Variants in NUP88 observed in about 807,000 individuals in gnomAD.
NUP88 encodes the protein nucleoporin 88, also known as nuclear pore complex protein Nup88.
NUP88 carries 57 observed loss-of-function variants against 93.9 expected under a neutral mutation model. The ratio of observed to expected loss-of-function variants is 0.61; its 90% confidence interval spans 0.49 to 0.76. The LOEUF (loss-of-function observed/expected upper bound fraction) is 0.76, where lower values mean the gene tolerates loss of function less well. NUP88 is among the 30% of genes least tolerant of loss of function. NUP88 has a pLI of 0.00. For missense variants in NUP88, 911 were observed against 901.0 expected (o/e 1.01, Z -0.14); for synonymous variants, 346 against 336.8 (o/e 1.03, Z -0.30).
intron 10 of NUP88, among the ~76,000 whole-genome samples, chr17:5,389,808 G>T (rs904592289): frequency 2.8e-5 from 4 of 145,022 alleles, no homozygotes; most frequent in Admixed American, 6.9e-5. Flanking sequence ...GAAAGTTCAT[G>T]AAATAGCATA....
chr17:5,400,152 A>AAAAAAAAAAAAAAAAAAAC (rs1913058503), intron 7 of NUP88, among the ~76,000 whole-genome samples: 1 of 150,756 alleles, frequency 6.6e-6, no homozygotes, highest in Non-Finnish European at 1.5e-5. Context: ...AAAAAAAAAA[A>AAAAAAAAAAAAAAAAAAAC]AAAAAGCACT....
In NUP88 at chr17:5,387,786, G is replaced by C. The variant is rs139704928; in HGVS notation, c.1762C>G (p.Gln588Glu). Residue 588 changes from glutamine (Q) to glutamate (E), a missense_variant, in exon 12 of 17, where the codon CAG (glutamine) becomes GAG (glutamate). Gln to Glu is a conservative substitution (Grantham distance 29). Transcript: ENST00000573584. ...LKQDLAKEEI[Q>E]RRVKLLCDQK... ...GAACACAGGACATCATACCTCCGCT[G>C]AATCTCCTCCTTTGCCAAGTCCTGT... is the stretch of plus-strand genomic sequence containing the variant. 19 of 1,612,202 alleles carry C rather than the reference G, an allele frequency of 1.2e-5. No individual in the cohort carries two copies. Among genetic ancestry groups the C allele is most frequent in the Non-Finnish European group, 1.6e-5 (19 of 1,179,326 alleles).
Position 5,391,546 on chromosome 17 carries a change from T to C in NUP88, c.1484+15A>G, listed in dbSNP as rs1185929875. 6.3e-7 allele frequency: 1 copy of C among 1,595,852 alleles called. No homozygotes were observed. The highest frequency in any genetic ancestry group is 8.6e-7 in the Non-Finnish European group (1 of 1,163,562). ...ATTAACAAGAGCTGTGTGGAGAATA[T>C]AAAATGGGACGTACAATAACGGCCA... is the stretch of plus-strand genomic sequence containing the variant. On this transcript the variant is annotated intron_variant, in intron 10 of 16. Transcript: ENST00000573584.
rs373089872 is a variant in NUP88, at chr17:5,387,072, G to C, written c.1955C>G (p.Pro652Arg). 3.7e-5 allele frequency: 60 copies of C among 1,613,874 alleles called. No homozygotes were observed. Among genetic ancestry groups the C allele is most frequent in the Non-Finnish European group, 4.9e-5 (58 of 1,179,970 alleles). ...KLLHSFHSELPVLSDSERDMK... is the reference protein window; with the variant it reads ...KLLHSFHSELRVLSDSERDMK... ...GTCTCGCTCACTATCAGAGAGAACT[G>C]GGAGCTCAGAGTGAAAACTGTGAAG... is the stretch of plus-strand genomic sequence containing the variant. The change falls in exon 15 of 17, where the codon CCA becomes CGA. Residue 652 changes from proline to arginine, a missense_variant. Transcript: ENST00000573584.
intron 10 of NUP88, 88 bp downstream of exon 10, chr17:5,391,473 G>A: frequency 2.0e-6 from 2 of 1,004,536 alleles, no homozygotes; most frequent in Non-Finnish European, 1.6e-6. Context: ...CACATGTATA[G>A]CTTCAAGTTG....
At chr17:5,418,454 A>T (rs1914334476) in intron 1 of NUP88, among the ~76,000 whole-genome samples, 1 of 152,052 alleles carries the variant, frequency 6.6e-6, no homozygotes, top group Non-Finnish European at 1.5e-5. Context: ...GGGTTTCACC[A>T]TGTTGGCCAG....
intron 7 of NUP88, among the ~76,000 whole-genome samples, chr17:5,400,704 A>C (rs1806241): frequency 7.2e-5 from 11 of 152,150 alleles, no homozygotes; most frequent in Non-Finnish European, 1.2e-4. Flanking sequence ...GACTTAAATA[A>C]AATTGTTGAA....
intron 4 of NUP88, among the ~76,000 whole-genome samples, chr17:5,410,318 C>G (rs1913758009): frequency 6.6e-6 from 1 of 152,030 alleles, no homozygotes; most frequent in African/African-American, 2.4e-5. Flanking sequence ...TGTAGTTATT[C>G]AGGAAGATTC....
At chr17:5,398,607 T>G (rs113091370) in intron 8 of NUP88, among the ~76,000 whole-genome samples, 1 of 150,954 alleles carries the variant, frequency 6.6e-6, no homozygotes, top group Non-Finnish European at 1.5e-5. Flanking sequence ...TTTTTTTTTT[T>G]TGAGACAGAG....
At chr17:5,418,767 T>A (rs1162040160) in intron 1 of NUP88, among the ~76,000 whole-genome samples, 6 of 152,196 alleles carry the variant, frequency 3.9e-5, no homozygotes, top group African/African-American at 1.4e-4. Context: ...AATAAACATT[T>A]CCATAAACCA....
intron 8 of NUP88, 105 bp downstream of exon 8, chr17:5,399,447 C>T (rs2151639757): frequency 3.3e-6 from 2 of 607,134 alleles, no homozygotes; most frequent in Non-Finnish European, 5.8e-6. Context: ...TTCGGTTTCA[C>T]TGATTTTCTC....
intron 9 of NUP88, among the ~76,000 whole-genome samples, chr17:5,393,646 C>T (rs1329995980): frequency 6.6e-6 from 1 of 151,960 alleles, no homozygotes; most frequent in Admixed American, 6.6e-5. Context: ...CCATCTTGGC[C>T]AGGCTGGTCT....
chr17:5,404,964 T>G, intron 6 of NUP88, 93 bp downstream of exon 6: 2 of 1,098,144 alleles, frequency 1.8e-6, no homozygotes, highest in Non-Finnish European at 2.5e-6. Context: ...CATAAGTAAG[T>G]TAAAATTCCT....
rs1476484106 is a variant in NUP88, at chr17:5,387,026, C to T, written c.2001G>A (p.Leu667=). Residue 667 remains leucine (L), a synonymous_variant, in exon 15 of 17, where the codon CTG becomes CTA. Coordinates refer to ENST00000573584, the MANE Select transcript of NUP88 (RefSeq NM_002532.6). ...CCAAATGTCGAAGTTGATCAGGTAT[C>T]AGCTGTAATTCTTTCTTCATGTCTC... ...SERDMKKELQ[L]IPDQLRHLGN... is the part of the protein sequence containing the mutation. 6.2e-7 allele frequency: 1 copy of T among 1,614,134 alleles called. No individual in the cohort carries two copies. Among genetic ancestry groups the T allele is most frequent in the Non-Finnish European group, 8.5e-7 (1 of 1,180,000 alleles).
chr17:5,388,337 G>A (rs964526061), intron 11 of NUP88: 3 of 163,642 alleles, frequency 1.8e-5, no homozygotes, highest in Non-Finnish European at 4.0e-5. Flanking sequence ...CCAGGCTGGA[G>A]TGCAGTGGTG....
chr17:5,398,874 A>T (rs942451577), intron 8 of NUP88, among the ~76,000 whole-genome samples: 3 of 143,792 alleles, frequency 2.1e-5, no homozygotes, highest in African/African-American at 7.8e-5. Context: ...TAAAGGCATG[A>T]GCCACTGCAC....
In NUP88 at chr17:5,412,298, T is replaced by C. The variant is rs1219811281; in HGVS notation, c.594-1509A>G. ...TTTTCCCTCTCCTCTTTCTCTGCCC[T>C]GAACTCTAAAGCCAAATGGGTGGGC... On this transcript the variant is annotated intron_variant, in intron 3 of 16. Coordinates refer to ENST00000573584, the MANE Select transcript of NUP88 (RefSeq NM_002532.6). Among the ~76,000 whole-genome samples, 3 of 152,178 alleles carry C rather than the reference T, an allele frequency of 2.0e-5. No individual in the cohort carries two copies. The East Asian group carries it at 5.8e-4, about 29-fold the overall frequency.
At chr17:5,393,989 C>A (rs762240356) in intron 9 of NUP88, among the ~76,000 whole-genome samples, 1 of 151,972 alleles carries the variant, frequency 6.6e-6, no homozygotes, top group Non-Finnish European at 1.5e-5. Context: ...TGATATGGCA[C>A]CCTTCAGAAA....
In NUP88 at chr17:5,386,690, T is replaced by G. The variant is rs748330118; in HGVS notation, c.2162+18A>C. On this transcript the variant is annotated intron_variant, in intron 16 of 16. Coordinates refer to ENST00000573584, the MANE Select transcript of NUP88 (RefSeq NM_002532.6). ...AAAACTATCTCACGATAATAGCTGATTGGAAGTATTTACTTACTCCTCTTT... is the reference window on the plus strand; with the variant it reads ...AAAACTATCTCACGATAATAGCTGAGTGGAAGTATTTACTTACTCCTCTTT... The G allele has an allele frequency of 7.0e-5, 101 of 1,435,196 alleles. No homozygotes were observed. The highest frequency in any genetic ancestry group is 9.7e-5 in the Non-Finnish European group (99 of 1,017,622). The allele number at this position is 1,435,196 out of a possible 1,614,324, so 88.9% of individuals were successfully genotyped here.
Sources: allele counts gnomAD v4.1 joint callset (sites outside exome capture counted in the v4.1 genomes callset), GRCh38; gene constraint gnomAD v4.1.1; transcripts MANE v1.5; gene names NCBI Gene and HGNC (gene_info 2026-07-23, HGNC 2026-07-21).